UFL1: variants seen among roughly 807,000 people sequenced by gnomAD.
UFL1 encodes the protein UFM1 specific ligase 1.
A neutral mutation model predicts 99.3 loss-of-function variants in UFL1; 78 were observed. That is an observed-to-expected ratio of 0.79 (90% confidence interval 0.65 to 0.95). The LOEUF is 0.95. Among genes scored for constraint, UFL1 ranks in the 40% least tolerant of loss-of-function variants. UFL1 has a pLI of 0.00. For synonymous variants in UFL1, 335 were observed against 322.2 expected, an observed-to-expected ratio of 1.04 and a Z score of -0.42; for missense variants, 936 against 937.0, an observed-to-expected ratio of 1.00 and a Z score of 0.01.
chr6:96,551,310 T>C (rs943937472), intron 15 of UFL1, 123 bp from the exon 16 acceptor site: 7 of 591,004 alleles, frequency 1.2e-5, no homozygotes, highest in Non-Finnish European at 2.1e-5. Context: ...TAATTTGAGA[T>C]CTAAAATTCA....
At chr6:96,538,602 C>CTTTATT in intron 9 of UFL1, 29 bp from the exon 10 acceptor site, 1 of 1,601,098 alleles carries the variant, frequency 6.2e-7, no homozygotes, top group Non-Finnish European at 8.5e-7. Context: ...TGCATTTATA[C>CTTTATT]TTTATTTTTA....
At chr6:96,539,825 A>T (rs1769905289) in intron 10 of UFL1, among the ~76,000 whole-genome samples, 2 of 151,554 alleles carry the variant, frequency 1.3e-5, no homozygotes, top group African/African-American at 4.8e-5. Context: ...TTCTCCCTCT[A>T]ACCACAAAAA....
chr6:96,548,001 C>T (rs1770024021), intron 12 of UFL1, among the ~76,000 whole-genome samples, 163 bp from the exon 13 acceptor site: 1 of 151,386 alleles, frequency 6.6e-6, no homozygotes, highest in Admixed American at 6.6e-5. Flanking sequence ...TATTATATAT[C>T]CTAATTTCAA....
rs1769869796 is a variant in UFL1, at chr6:96,537,466, G to C, written c.895G>C (p.Ala299Pro). 1 of 1,610,588 alleles carries C rather than the reference G, an allele frequency of 6.2e-7. No individual in the cohort carries two copies. Among genetic ancestry groups the C allele is most frequent in the Non-Finnish European group, 8.5e-7 (1 of 1,178,094 alleles). Residue 299 changes from alanine (A) to proline (P), a missense_variant, in exon 9 of 19, where the codon GCT becomes CCT. Coordinates refer to ENST00000369278, the MANE Select transcript of UFL1 (RefSeq NM_015323.5). ...TACACAACTCTTGTTTTTGAAAGCA[G>C]CTTGTGTTGGTCAAGGACTTGTGGA... Reference protein sequence around the residue: ...KTTQLLFLKAACVGQGLVDQV... With the variant: ...KTTQLLFLKAPCVGQGLVDQV...
chr6:96,544,874 A>T (rs1769979079), intron 12 of UFL1, among the ~76,000 whole-genome samples: 2 of 151,058 alleles, frequency 1.3e-5, no homozygotes, highest in Non-Finnish European at 3.0e-5. Flanking sequence ...TATTGAAAGG[A>T]GCTATAAAAG....
chr6:96,538,490 G>A (rs1769885664), intron 9 of UFL1, 141 bp from the exon 10 acceptor site: 8 of 679,764 alleles, frequency 1.2e-5, no homozygotes, highest in Non-Finnish European at 1.9e-5. Context: ...AATATAATTT[G>A]GAGGTTATCG....
chr6:96,529,530 T>C (rs1269747773), intron 6 of UFL1, among the ~76,000 whole-genome samples: 1 of 152,262 alleles, frequency 6.6e-6, no homozygotes, highest in Non-Finnish European at 1.5e-5. Context: ...GACTTGACTT[T>C]GCAGCAGCAT....
intron 15 of UFL1, among the ~76,000 whole-genome samples, chr6:96,551,176 T>C (rs975312919): frequency 9.2e-5 from 14 of 151,944 alleles, no homozygotes; most frequent in African/African-American, 3.1e-4. Flanking sequence ...AAATATTCTG[T>C]TTCTCACAAG....
At chr6:96,544,374 C>T (rs561520172) in intron 12 of UFL1, among the ~76,000 whole-genome samples, 1 of 149,984 alleles carries the variant, frequency 6.7e-6, no homozygotes, top group Non-Finnish European at 1.5e-5. Flanking sequence ...ATGATACTGC[C>T]CTCTTCCTTA....
intron 2 of UFL1, among the ~76,000 whole-genome samples, chr6:96,523,632 G>C (rs1399707260): frequency 1.3e-5 from 2 of 152,156 alleles, no homozygotes; most frequent in Non-Finnish European, 2.9e-5. Context: ...TGTGAAGGGG[G>C]ACAGTATCTT....
At chr6:96,525,995 A>C (rs1224186906) in intron 4 of UFL1, among the ~76,000 whole-genome samples, 1 of 151,948 alleles carries the variant, frequency 6.6e-6, no homozygotes, top group Non-Finnish European at 1.5e-5. Flanking sequence ...CTGAGGTAGG[A>C]GGATTGCTTG....
chr6:96,552,962 TG>T (rs1441749748), intron 18 of UFL1, among the ~76,000 whole-genome samples: 1 of 152,130 alleles, frequency 6.6e-6, no homozygotes, highest in Non-Finnish European at 1.5e-5. Flanking sequence ...TCAAAAGTCT[TG>T]TCCTATCCCT....
intron 12 of UFL1, among the ~76,000 whole-genome samples, chr6:96,545,886 C>G (rs932795412): frequency 7.9e-5 from 12 of 151,076 alleles, no homozygotes; most frequent in Non-Finnish European, 1.0e-4. Flanking sequence ...ATAATAAGAG[C>G]TACTTAACGA....
chr6:96,548,816 A>G (rs560578787), intron 13 of UFL1, among the ~76,000 whole-genome samples: 6 of 151,842 alleles, frequency 4.0e-5, no homozygotes, highest in Middle Eastern at 3.4e-3. Context: ...TAACCTGGTC[A>G]TCCCTCAAGT....
rs1273199077 is a variant in UFL1 at position 96,544,296 on chromosome 6, T to C, written c.1402+1280T>C. On this transcript the variant is annotated intron_variant, in intron 12 of 18. Coordinates refer to ENST00000369278, the MANE Select transcript of UFL1 (RefSeq NM_015323.5). Reference sequence around the variant, plus strand: ...CAAGAAAGTCTACAAGAGACATCTTTTGTTTTTCTAATTAAAATTATGATA... The same window carrying C: ...CAAGAAAGTCTACAAGAGACATCTTCTGTTTTTCTAATTAAAATTATGATA... Among the ~76,000 whole-genome samples the C allele has an allele frequency of 2.0e-5, 3 of 150,962 alleles. No homozygotes were observed. The Admixed American group carries it at 2.0e-4, about 10-fold the overall frequency.
intron 5 of UFL1, among the ~76,000 whole-genome samples, chr6:96,527,491 G>A (rs1012649191): frequency 1.3e-5 from 2 of 151,802 alleles, no homozygotes; most frequent in African/African-American, 4.8e-5. Flanking sequence ...AATTGCATGA[G>A]ATTAATGTAT....
Position 96,545,736 on chromosome 6 carries a change from G to C in UFL1, c.1403-2428G>C, listed in dbSNP as rs1282511377. Among the ~76,000 whole-genome samples the C allele has an allele frequency of 2.6e-5, 4 of 151,064 alleles. No homozygotes were observed. The Admixed American group carries it at 2.6e-4, about 10-fold the overall frequency. ...TGTATCATCCAGGTTTAACAAAGGG[G>C]AAAACTCTTTATTATTTTCTGATTG... On this transcript the variant is annotated intron_variant, in intron 12 of 18. Coordinates refer to ENST00000369278, the MANE Select transcript of UFL1 (RefSeq NM_015323.5).
At position 96,521,808 on chromosome 6, in the gene UFL1, C is replaced by T. The variant is rs998314778; in HGVS notation, c.-66C>T. The T allele has an allele frequency of 4.5e-6, 7 of 1,543,898 alleles. No homozygotes were observed. Among genetic ancestry groups the T allele is most frequent in the South Asian group, 1.2e-5 (1 of 84,050 alleles). On this transcript the variant is annotated 5_prime_UTR_variant, in exon 1 of 19. Transcript: ENST00000369278. ...CCTCTGCGCGGCCCGTTCCGCCTCTCTTCTCCCACCGCCTGTCGGCTGACG... is the reference window on the plus strand; with the variant it reads ...CCTCTGCGCGGCCCGTTCCGCCTCTTTTCTCCCACCGCCTGTCGGCTGACG...
Position 96,542,933 on chromosome 6 carries a change from C to A in UFL1, c.1319C>A (p.Ala440Asp). Residue 440 changes from alanine to aspartate, a missense_variant, in exon 12 of 19, where the codon GCC becomes GAC. Physicochemically the swap from Ala to Asp is moderately radical, Grantham distance 126 (BLOSUM62 -2). Transcript: ENST00000369278. ...GSMRGGGGGNAREYKIKKVKK... is the reference protein window; with the variant it reads ...GSMRGGGGGNDREYKIKKVKK... The stretch of plus-strand genomic sequence containing the variant: ...ATGAGAGGAGGAGGTGGGGGCAATG[C>A]CAGAGAGTACAAAATTAAAAAAGTC... 1.3e-6 allele frequency: 2 copies of A among 1,599,226 alleles called. No individual in the cohort carries two copies. The highest frequency in any genetic ancestry group is 1.1e-5 in the South Asian group (1 of 88,940).
Sources: gnomAD v4.1 joint callset for allele counts (sites outside exome capture counted in the v4.1 genomes callset) on GRCh38, gnomAD v4.1.1 for gene constraint, MANE v1.5 for transcripts, NCBI Gene and HGNC (gene_info 2026-07-23, HGNC 2026-07-21) for gene names.